The following TTC12 variants were observed in gnomAD, a reference collection of about 807,000 sequenced individuals.
TTC12 encodes tetratricopeptide repeat domain 12.
In TTC12, 70 loss-of-function variants were observed where a neutral mutation model predicts 90.1. That is an observed-to-expected ratio of 0.78 (90% CI 0.64 to 0.95). TTC12 has a LOEUF of 0.95. Ranked by LOEUF, TTC12 falls within the 40% of genes least tolerant of loss-of-function variation. The pLI, the probability that TTC12 is intolerant of heterozygous loss-of-function variation, is 0.00. For missense variants in TTC12, 819 were observed against 846.1 expected (o/e 0.97, Z 0.40); for synonymous variants, 296 against 311.5 (o/e 0.95, Z 0.53).
intron 6 of TTC12, among the ~76,000 whole-genome samples, chr11:113,329,330 C>G (rs1207090287): frequency 6.6e-6 from 1 of 152,158 alleles, no homozygotes; most frequent in African/African-American, 2.4e-5. Flanking sequence ...AGGGTAGACT[C>G]CAGAATCCAG....
intron 20 of TTC12, 87 bp from the exon 21 acceptor site, chr11:113,364,748 C>A: frequency 9.4e-7 from 1 of 1,068,150 alleles, no homozygotes; most frequent in Non-Finnish European, 1.4e-6. Context: ...TGTCCGCTGA[C>A]ATCTCCCTGC....
At chr11:113,324,802 C>A in intron 5 of TTC12, 120 bp downstream of exon 5, 1 of 821,908 alleles carries the variant, frequency 1.2e-6, no homozygotes, top group South Asian at 1.7e-5. Context: ...TTGTGATGGG[C>A]TTGAGGCAGT....
chr11:113,359,761 C>T (rs1382890124), intron 17 of TTC12, among the ~76,000 whole-genome samples, 179 bp from the exon 18 acceptor site: 2 of 152,048 alleles, frequency 1.3e-5, no homozygotes, highest in Admixed American at 1.3e-4. Flanking sequence ...AGGGTAATGC[C>T]CTGGAGTTAG....
intron 19 of TTC12, among the ~76,000 whole-genome samples, chr11:113,363,558 C>A (rs1555156089): frequency 6.6e-6 from 1 of 152,164 alleles, no homozygotes; most frequent in African/African-American, 2.4e-5. Flanking sequence ...CAGCCACTTG[C>A]TCATAAAGCC....
In TTC12 at chr11:113,326,550, G is replaced by A. The variant is rs968653953; in HGVS notation, c.444+905G>A. 1.0e-3 allele frequency among the ~76,000 whole-genome samples: 153 copies of A among 152,264 alleles called. No homozygotes were observed. The Middle Eastern group carries it at 0.01, about 10-fold the overall frequency. On this transcript the variant is annotated intron_variant, in intron 6 of 21. Coordinates refer to ENST00000529221, the MANE Select transcript of TTC12 (RefSeq NM_017868.4). Reference sequence around the variant, plus strand: ...AGAATGTCTGGCTCTGGGATGTTGAGGAAGAGGACTGGAAGCAAGAAACAG... The same window carrying A: ...AGAATGTCTGGCTCTGGGATGTTGAAGAAGAGGACTGGAAGCAAGAAACAG...
intron 6 of TTC12, among the ~76,000 whole-genome samples, chr11:113,328,116 G>A (rs542095057): frequency 7.4e-4 from 113 of 152,286 alleles, no homozygotes; most frequent in African/African-American, 2.7e-3. Flanking sequence ...ACAATCCTAT[G>A]TGTAGTACTG....
At position 113,362,400 on chromosome 11, in the gene TTC12, G is replaced by A. The variant is rs61904029; in HGVS notation, c.1615-1G>A. The A allele has an allele frequency of 3.6e-5, 58 of 1,611,136 alleles. No individual in the cohort carries two copies. The highest frequency in any genetic ancestry group is 4.9e-5 in the Non-Finnish European group (58 of 1,177,290). On this transcript the variant is annotated splice_acceptor_variant, in intron 18 of 21. Transcript: ENST00000529221. LOFTEE classifies it high-confidence loss of function. ...AATTATCCTCTTTCTGCTGTACTCA[G>A]AGAGCTGCTGGTGTTCTGAGCCGGA...
At chr11:113,344,562 C>G in intron 13 of TTC12, 122 bp downstream of exon 13, 3 of 1,064,622 alleles carry the variant, frequency 2.8e-6, no homozygotes, top group Non-Finnish European at 4.1e-6. Flanking sequence ...CAGAAAGAGC[C>G]TTTGACAAGA....
chr11:113,368,120 G>A, downstream of TTC12: 1 of 1,253,356 alleles, frequency 8.0e-7, no homozygotes, highest in Non-Finnish European at 1.0e-6. Flanking sequence ...AAATGGCTAT[G>A]ATAGGTGTAT....
chr11:113,339,505 T>C (rs1555145357), intron 10 of TTC12, 31 bp downstream of exon 10: 1 of 1,575,990 alleles, frequency 6.3e-7, no homozygotes, highest in South Asian at 1.1e-5. Context: ...ATCTCATGAG[T>C]GCTGTCAGTG....
chr11:113,326,550 GGAAGAGGACTGGAAGCAA>G (rs575782583), intron 6 of TTC12, among the ~76,000 whole-genome samples: 24 of 152,264 alleles, frequency 1.6e-4, no homozygotes, highest in African/African-American at 5.1e-4. Flanking sequence ...GGGATGTTGA[GGAAGAGGACTGGAAGCAA>G]GAAACAGGAC....
At chr11:113,318,676 C>T (rs1947106580) in intron 2 of TTC12, among the ~76,000 whole-genome samples, 1 of 152,068 alleles carries the variant, frequency 6.6e-6, no homozygotes, top group Non-Finnish European at 1.5e-5. Context: ...GAGATTTAGG[C>T]AAAATGTGAA....
At chr11:113,358,229 GC>G (rs377763010) in intron 16 of TTC12, among the ~76,000 whole-genome samples, 6 of 152,276 alleles carry the variant, frequency 3.9e-5, no homozygotes, top group African/African-American at 1.4e-4. Flanking sequence ...AAGAGGAGGG[GC>G]AGGACTGCAC....
chr11:113,351,974 T>C lies in TTC12; in HGVS notation c.1309-96T>C, dbSNP rs1480438719. On this transcript the variant is annotated intron_variant, in intron 15 of 21. Coordinates refer to ENST00000529221, the MANE Select transcript of TTC12 (RefSeq NM_017868.4). ...TGTGACATGAAGCTATCTGGTTGGT[T>C]CGTGGGCCTTTTGGTGAGTGAGGGA... 34 of 1,428,186 alleles carry C rather than the reference T, an allele frequency of 2.4e-5. No homozygotes were observed. In the Admixed American group the frequency reaches 3.5e-4, roughly 15 times the overall value. The allele number at this position is 1,428,186 out of a possible 1,614,324, so 88.5% of individuals were successfully genotyped here. A position where few individuals can be genotyped will look rare whatever the true frequency, so the allele number is the denominator to read the frequency against.
At chr11:113,323,017 C>A (rs555117357) in intron 2 of TTC12, among the ~76,000 whole-genome samples, 22 of 151,024 alleles carry the variant, frequency 1.5e-4, no homozygotes, top group African/African-American at 4.9e-4. Context: ...AATGAGCTCT[C>A]CATAAATTAT....
At chr11:113,345,469 C>T (rs782146808) in intron 13 of TTC12, among the ~76,000 whole-genome samples, 2 of 152,170 alleles carry the variant, frequency 1.3e-5, no homozygotes, top group Non-Finnish European at 2.9e-5. Context: ...GAAAAGGAGC[C>T]AAACCTGCTA....
intron 8 of TTC12, among the ~76,000 whole-genome samples, chr11:113,336,870 T>C (rs1307731993): frequency 3.9e-5 from 6 of 152,222 alleles, no homozygotes; most frequent in Non-Finnish European, 8.8e-5. Context: ...GATTATCGTG[T>C]CGATTTTTGC....
At chr11:113,355,645 C>T (rs1476844109) in intron 16 of TTC12, among the ~76,000 whole-genome samples, 2 of 151,992 alleles carry the variant, frequency 1.3e-5, no homozygotes, top group Non-Finnish European at 2.9e-5. Flanking sequence ...TACCTATGTC[C>T]CAGAGATTCT....
chr11:113,361,930 A>C (rs1237319659), intron 18 of TTC12, among the ~76,000 whole-genome samples: 5 of 151,584 alleles, frequency 3.3e-5, no homozygotes, highest in Non-Finnish European at 7.4e-5. Context: ...ATATCCATAA[A>C]AGAGTAACAG....
Sources: allele counts gnomAD v4.1 joint callset (sites outside exome capture counted in the v4.1 genomes callset), GRCh38; gene constraint gnomAD v4.1.1; transcripts MANE v1.5; gene names NCBI Gene and HGNC (gene_info 2026-07-23, HGNC 2026-07-21).